Variants in BTRC observed in about 807,000 individuals in gnomAD.
The protein encoded by BTRC is F-box/WD repeat-containing protein 1A.
Under a neutral mutation model 85.5 loss-of-function variants are expected in BTRC, and 42 were observed. The ratio of observed to expected loss-of-function variants is 0.49; its 90% CI spans 0.38 to 0.64. The LOEUF is 0.64. BTRC is among the 30% of genes least tolerant of loss of function. The probability of loss-of-function intolerance (pLI) is 0.00; values close to 1 mark genes in which losing one functional copy is unlikely to be tolerated. For missense variants in BTRC, 594 were observed against 743.5 expected, an observed-to-expected ratio of 0.80 and a Z score of 2.34; for synonymous variants, 255 against 263.3, an observed-to-expected ratio of 0.97 and a Z score of 0.30.
In BTRC at chr10:101,482,853, A is replaced by G. The variant is rs541689923; in HGVS notation, c.324+3396A>G. On this transcript the variant is annotated intron_variant, in intron 4 of 14. Transcript: ENST00000370187. ...TTGATATGGCTGCAGTGTTTTCTCA[A>G]CTTGGTACAAGTGTCTGTTGTTGAT... is the stretch of plus-strand genomic sequence containing the variant. Among the ~76,000 whole-genome samples the G allele has an allele frequency of 2.0e-5, 3 of 152,090 alleles. No homozygotes were observed. In the South Asian group the frequency reaches 6.2e-4, roughly 32 times the overall value.
chr10:101,401,026 G>A lies in BTRC; in HGVS notation c.49-29319G>A, dbSNP rs181426454. ...AATTGTGTAACCCCATGATTCCCAG[G>A]CCTCAGCTGGTAGTGTAGTTATTTC... is the stretch of plus-strand genomic sequence containing the variant. On this transcript the variant is annotated intron_variant, in intron 1 of 14. Transcript: ENST00000370187. Among the ~76,000 whole-genome samples, 3 of 152,142 alleles carry A rather than the reference G, an allele frequency of 2.0e-5. No individual in the cohort carries two copies. In the East Asian group the frequency reaches 5.8e-4, roughly 29 times the overall value.
chr10:101,532,932 G>A lies in BTRC; in HGVS notation c.979-20G>A, dbSNP rs753577635. On this transcript the variant is annotated intron_variant, in intron 8 of 14. Coordinates refer to ENST00000370187, the MANE Select transcript of BTRC (RefSeq NM_033637.4). ...ACCCCATCATCACATTGATCAAAAG[G>A]ATCTTATTTGCCATCCTAGATCTGG... 1 of 1,565,252 alleles carries A rather than the reference G, an allele frequency of 6.4e-7. No individual in the cohort carries two copies. The highest frequency in any genetic ancestry group is 2.2e-5 in the East Asian group (1 of 44,596).
At position 101,430,380 on chromosome 10, in the gene BTRC, C is replaced by T; in HGVS notation, c.84C>T (p.Ser28=). The change falls in exon 2 of 15, where the codon TCC becomes TCT. Residue 28 remains serine (S), a synonymous_variant. Coordinates refer to ENST00000370187, the MANE Select transcript of BTRC (RefSeq NM_033637.4). ...CCAGGTCTCTGTGGCTGGGCTGCTC[C>T]AGCCTGGCGGACAGCATGCCTTCGC... is the stretch of plus-strand genomic sequence containing the variant. ...SMPRSLWLGC[S]SLADSMPSLR... The T allele has an allele frequency of 6.2e-7, 1 of 1,614,112 alleles. No individual in the cohort carries two copies.
At chr10:101,462,299 A>T (rs1945248178) in intron 3 of BTRC, among the ~76,000 whole-genome samples, 1 of 152,168 alleles carries the variant, frequency 6.6e-6, no homozygotes, top group African/African-American at 2.4e-5. Flanking sequence ...ATAAAAACAG[A>T]TCTGCCTGTA....
chr10:101,440,988 T>G (rs960407954), intron 2 of BTRC, among the ~76,000 whole-genome samples: 50 of 152,220 alleles, frequency 3.3e-4, no homozygotes, highest in African/African-American at 1.1e-3. Context: ...GTTATTGTTG[T>G]TTTTAAGTAT....
chr10:101,401,245 G>T (rs960572313), intron 1 of BTRC, among the ~76,000 whole-genome samples: 3 of 152,160 alleles, frequency 2.0e-5, no homozygotes, highest in Non-Finnish European at 4.4e-5. Flanking sequence ...CTAATCAGAG[G>T]TAAATTGCAG....
At chr10:101,470,263 T>C (rs552429851) in intron 3 of BTRC, among the ~76,000 whole-genome samples, 1 of 152,254 alleles carries the variant, frequency 6.6e-6, no homozygotes, top group African/African-American at 2.4e-5. Flanking sequence ...GGTTTGCCTG[T>C]TTATGGTATG....
intron 4 of BTRC, among the ~76,000 whole-genome samples, chr10:101,494,570 C>T (rs1198923355): frequency 6.6e-6 from 1 of 152,132 alleles, no homozygotes; most frequent in Non-Finnish European, 1.5e-5. Flanking sequence ...TTTAAGGTGA[C>T]TCTGCATTTT....
Position 101,527,761 on chromosome 10 carries a change from G to GTC in BTRC, c.743+1591_743+1592dup, listed in dbSNP as rs5787436. Among the ~76,000 whole-genome samples the GTC allele has an allele frequency of 2.6e-3, 370 of 142,496 alleles. 2 individuals are homozygous for GTC. The highest frequency in any genetic ancestry group is 7.4e-3 in the Middle Eastern group (2 of 272). 93.5% of individuals were successfully genotyped at this position (142,496 alleles called of 152,430 possible). A position where few individuals can be genotyped will look rare whatever the true frequency, so the allele number is the denominator to read the frequency against. ...AGAGCAAGACCCTGTCTCTTTCTCT[G>GTC]TCTCTCTCTCTCTCTCTCTCTCTCT... On this transcript the variant is annotated intron_variant, in intron 6 of 14. Transcript: ENST00000370187.
chr10:101,541,359 A>C (rs1408271690), intron 13 of BTRC, among the ~76,000 whole-genome samples: 16 of 151,262 alleles, frequency 1.1e-4, no homozygotes, highest in Non-Finnish European at 4.4e-5. Flanking sequence ...TCCTGGGTTC[A>C]CGCCATTCTC....
At chr10:101,414,339 C>T (rs1043538194) in intron 1 of BTRC, among the ~76,000 whole-genome samples, 1 of 152,032 alleles carries the variant, frequency 6.6e-6, no homozygotes, top group Admixed American at 6.6e-5. Flanking sequence ...GCCAATGTAA[C>T]GTCATATAAT....
Position 101,550,845 on chromosome 10 carries a change from C to G in BTRC, c.1803C>G (p.Thr601=), listed in dbSNP as rs1358917291. The stretch of plus-strand genomic sequence containing the variant: ...CCCGTTCCCCTTCTCGAACATACAC[C>G]TACATCTCCAGATAAATAACCATAC... ...EPPRSPSRTY[T]YISR The change falls in exon 14 of 15, where the codon ACC becomes ACG. Residue 601 remains threonine (T), a synonymous_variant. Transcript: ENST00000370187. 1 of 1,613,664 alleles carries G rather than the reference C, an allele frequency of 6.2e-7. No homozygotes were observed. Among genetic ancestry groups the G allele is most frequent in the African/African-American group, 1.3e-5 (1 of 74,920 alleles).
At chr10:101,478,206 T>C (rs1589524333) in intron 3 of BTRC, among the ~76,000 whole-genome samples, 1 of 150,878 alleles carries the variant, frequency 6.6e-6, no homozygotes, top group South Asian at 2.1e-4. Flanking sequence ...GAGACTCAGG[T>C]GGGAGAATCA....
At chr10:101,356,319 A>G (rs1375350329) in intron 1 of BTRC, among the ~76,000 whole-genome samples, 1 of 152,168 alleles carries the variant, frequency 6.6e-6, no homozygotes, top group Non-Finnish European at 1.5e-5. Context: ...TCTTAATCCT[A>G]ATCCTGACAT....
intron 3 of BTRC, among the ~76,000 whole-genome samples, chr10:101,468,147 G>C (rs1028049825): frequency 6.6e-6 from 1 of 152,128 alleles, no homozygotes; most frequent in East Asian, 1.9e-4. Context: ...GACCGTATGG[G>C]GGGTTGGTGC....
chr10:101,372,484 G>A (rs1369765108), intron 1 of BTRC, among the ~76,000 whole-genome samples: 2 of 149,104 alleles, frequency 1.3e-5, no homozygotes, highest in East Asian at 2.0e-4. Flanking sequence ...CGAACTCCCT[G>A]ACCTCGTGAT....
Position 101,532,390 on chromosome 10 carries a change from T to C in BTRC, c.936T>C (p.Asp312=), listed in dbSNP as rs1450177356. ...AAGGAGTTTACTGTTTACAGTATGA[T>C]GATCAGAAAATAGTAAGCGGCCTTC... The part of the protein sequence containing the change: ...TSKGVYCLQY[D]DQKIVSGLRD... The change falls in exon 8 of 15, where the codon GAT becomes GAC. Residue 312 remains aspartate (D), a synonymous_variant. Coordinates refer to ENST00000370187, the MANE Select transcript of BTRC (RefSeq NM_033637.4). 6.2e-7 allele frequency: 1 copy of C among 1,613,514 alleles called. No individual in the cohort carries two copies. The highest frequency in any genetic ancestry group is 1.1e-5 in the South Asian group (1 of 90,936).
intron 1 of BTRC, among the ~76,000 whole-genome samples, chr10:101,362,432 G>A (rs1942237518): frequency 6.7e-6 from 1 of 150,106 alleles, no homozygotes; most frequent in African/African-American, 2.4e-5. Context: ...TTTCGCTCTT[G>A]TTGCCCAGGT....
chr10:101,397,495 CCTTT>C (rs767821648), intron 1 of BTRC, among the ~76,000 whole-genome samples: 1 of 152,132 alleles, frequency 6.6e-6, no homozygotes, highest in Admixed American at 6.5e-5. Flanking sequence ...AGATCTCTGT[CCTTT>C]CTAATTGTGT....
Sources: allele counts gnomAD v4.1 joint callset (sites outside exome capture counted in the v4.1 genomes callset), GRCh38; gene constraint gnomAD v4.1.1; transcripts MANE v1.5; gene names NCBI Gene and HGNC (gene_info 2026-07-23, HGNC 2026-07-21).